Variants in CDS2 observed in about 807,000 individuals in gnomAD.
CDS2 encodes phosphatidate cytidylyltransferase 2.
In CDS2, 47 loss-of-function variants were observed where a neutral mutation model predicts 59.0. The observed-to-expected ratio is 0.80, with a 90% CI of 0.63 to 1.02. CDS2 has a LOEUF of 1.02. Ranked by LOEUF, CDS2 falls within the 50% of genes least tolerant of loss-of-function variation. The pLI is 0.00. For synonymous variants in CDS2, 207 were observed against 206.4 expected, an observed-to-expected ratio of 1.00 and a Z score of -0.02; for missense variants, 356 against 558.9, an observed-to-expected ratio of 0.64 and a Z score of 3.66.
intron 1 of CDS2, among the ~76,000 whole-genome samples, chr20:5,136,137 G>C (rs925934650): frequency 6.6e-6 from 1 of 152,060 alleles, no homozygotes. Context: ...CCCCTGAGTG[G>C]GCAACTCTCA....
In CDS2 at chr20:5,178,874, C is replaced by T; in HGVS notation, c.447C>T (p.Phe149=). 1 of 1,614,086 alleles carries T rather than the reference C, an allele frequency of 6.2e-7. No individual in the cohort carries two copies. The change falls in exon 5 of 13, where the codon TTC becomes TTT. Residue 149 remains phenylalanine, a synonymous_variant. Transcript: ENST00000460006. The part of the protein sequence containing the change: ...FFYGETVTDY[F]FTLVQREEPL... The stretch of plus-strand genomic sequence containing the variant: ...ATGGTGAGACAGTGACGGATTACTT[C>T]TTCACCCTGGTCCAGAGAGAAGAGC...
chr20:5,138,600 C>G (rs994671572), intron 1 of CDS2, among the ~76,000 whole-genome samples: 1 of 151,856 alleles, frequency 6.6e-6, no homozygotes, highest in Non-Finnish European at 1.5e-5. Context: ...ATTCTCCTGC[C>G]TCAGCCTCCC....
At chr20:5,142,848 G>A (rs540100184) in intron 1 of CDS2, among the ~76,000 whole-genome samples, 2 of 152,158 alleles carry the variant, frequency 1.3e-5, no homozygotes, top group East Asian at 3.9e-4. Context: ...TAGAAAAATG[G>A]GCACTTTGTT....
intron 1 of CDS2, among the ~76,000 whole-genome samples, chr20:5,135,651 C>G (rs946633503): frequency 6.6e-6 from 1 of 152,136 alleles, no homozygotes; most frequent in African/African-American, 2.4e-5. Flanking sequence ...ATGGTCCCCA[C>G]CGGGCAGCTT....
rs567628771 is a variant in CDS2 at position 5,159,125 on chromosome 20, T to C, written c.58-14398T>C. On this transcript the variant is annotated intron_variant, in intron 1 of 12. Coordinates refer to ENST00000460006, the MANE Select transcript of CDS2 (RefSeq NM_003818.4). ...TTACAAACTTGACTAAATTTTGTTA[T>C]TCATTTCAAATTAATATCAGAAATC... Among the ~76,000 whole-genome samples the C allele has an allele frequency of 3.9e-4, 59 of 152,330 alleles. 2 individuals are homozygous for C. Among genetic ancestry groups the C allele is most frequent in the South Asian group, 1.4e-3 (7 of 4,832 alleles).
At chr20:5,163,244 T>C (rs2090888169) in intron 1 of CDS2, among the ~76,000 whole-genome samples, 2 of 152,170 alleles carry the variant, frequency 1.3e-5, no homozygotes, top group Admixed American at 6.5e-5. Flanking sequence ...CAAAGTAGTT[T>C]TTTTTGTTTC....
chr20:5,139,695 A>G (rs1055959711), intron 1 of CDS2, among the ~76,000 whole-genome samples: 2 of 152,030 alleles, frequency 1.3e-5, no homozygotes, highest in Admixed American at 6.6e-5. Context: ...TGGGTTTGTC[A>G]TATATGGCCT....
At chr20:5,135,089 A>G (rs2090638051) in intron 1 of CDS2, among the ~76,000 whole-genome samples, 1 of 151,984 alleles carries the variant, frequency 6.6e-6, no homozygotes, top group Non-Finnish European at 1.5e-5. Flanking sequence ...TTTTGAATTT[A>G]TATATATAAA....
chr20:5,177,606 G>A (rs1048784549), intron 4 of CDS2, among the ~76,000 whole-genome samples: 3 of 152,192 alleles, frequency 2.0e-5, no homozygotes, highest in Admixed American at 1.3e-4. Flanking sequence ...GAGGACCTGG[G>A]GCAAATGTGG....
intron 2 of CDS2, among the ~76,000 whole-genome samples, chr20:5,174,899 G>A (rs1412662123): frequency 6.6e-6 from 1 of 152,140 alleles, no homozygotes; most frequent in Non-Finnish European, 1.5e-5. Context: ...GAAGCAGAGG[G>A]CACTACATTT....
chr20:5,170,576 C>G (rs985071004), intron 1 of CDS2, among the ~76,000 whole-genome samples: 1 of 152,324 alleles, frequency 6.6e-6, no homozygotes, highest in South Asian at 2.1e-4. Context: ...GCAGTTTCCC[C>G]GCTCACAGGG....
Position 5,162,508 on chromosome 20 carries a change from G to A in CDS2, c.58-11015G>A, listed in dbSNP as rs115251578. 6.2e-3 allele frequency among the ~76,000 whole-genome samples: 941 copies of A among 152,260 alleles called. 9 individuals are homozygous for A. Among genetic ancestry groups the A allele is most frequent in the African/African-American group, 0.021 (889 of 41,544 alleles). On this transcript the variant is annotated intron_variant, in intron 1 of 12. Transcript: ENST00000460006. ...CAGGATCAGTAGTTTTACGGACAATGTCAAAAGTGTTCTGTTTAGATGTGT... is the reference window on the plus strand; with the variant it reads ...CAGGATCAGTAGTTTTACGGACAATATCAAAAGTGTTCTGTTTAGATGTGT...
chr20:5,171,031 G>C (rs190609505), intron 1 of CDS2, among the ~76,000 whole-genome samples: 18 of 152,316 alleles, frequency 1.2e-4, no homozygotes, highest in Admixed American at 1.0e-3. Flanking sequence ...CTGAGGTCTT[G>C]GTAACAATAG....
intron 8 of CDS2, 85 bp downstream of exon 8, chr20:5,185,030 G>A (rs2091057313): frequency 5.1e-6 from 5 of 985,588 alleles, no homozygotes; most frequent in Non-Finnish European, 8.2e-6. Context: ...GCAGACAGAA[G>A]AAATCTAGCT....
In CDS2 at chr20:5,190,526, C is replaced by A; in HGVS notation, c.*292C>A. The A allele has an allele frequency of 4.3e-6, 1 of 230,158 alleles. No homozygotes were observed. Among genetic ancestry groups the A allele is most frequent in the Non-Finnish European group, 8.5e-6 (1 of 117,934 alleles). 14.3% of individuals were successfully genotyped at this position (230,158 alleles called of 1,614,324 possible). ...ATTAATAATCTGGAAGACAGTGTTG[C>A]CCAGGTCAGGAGTGTTTTCTTGGTG... On this transcript the variant is annotated 3_prime_UTR_variant, in exon 13 of 13. Coordinates refer to ENST00000460006, the MANE Select transcript of CDS2 (RefSeq NM_003818.4).
chr20:5,183,683 C>G (rs1313127963), intron 7 of CDS2, among the ~76,000 whole-genome samples: 1 of 152,302 alleles, frequency 6.6e-6, no homozygotes, highest in Non-Finnish European at 1.5e-5. Context: ...GAATGATAAA[C>G]CCATTTCTGC....
At chr20:5,162,493 A>G (rs116268160) in intron 1 of CDS2, among the ~76,000 whole-genome samples, 2,312 of 152,294 alleles carry the variant, frequency 0.015, 61 homozygotes, top group African/African-American at 0.052. Flanking sequence ...CAGGATCAGT[A>G]GTTTTACGGA....
At position 5,140,064 on chromosome 20, in the gene CDS2, C is replaced by T. The variant is rs143018703; in HGVS notation, c.57+12915C>T. 6.6e-5 allele frequency among the ~76,000 whole-genome samples: 10 copies of T among 152,230 alleles called. No homozygotes were observed. The East Asian group carries it at 7.7e-4, about 12-fold the overall frequency. On this transcript the variant is annotated intron_variant, in intron 1 of 12. Coordinates refer to ENST00000460006, the MANE Select transcript of CDS2 (RefSeq NM_003818.4). ...CGATCTGCCCACCTTGGGTTCCCAA[C>T]GTGCTGGGATTACAGGCGTGAACCG...
intron 1 of CDS2, among the ~76,000 whole-genome samples, chr20:5,132,577 G>T (rs922801945): frequency 3.3e-5 from 5 of 151,886 alleles, no homozygotes; most frequent in Non-Finnish European, 7.4e-5. Context: ...ACTACTTCAG[G>T]TATAAGAGAA....
Sources: gnomAD v4.1 joint callset for allele counts (sites outside exome capture counted in the v4.1 genomes callset) on GRCh38, gnomAD v4.1.1 for gene constraint, MANE v1.5 for transcripts, NCBI Gene and HGNC (gene_info 2026-07-23, HGNC 2026-07-21) for gene names.